The following ESRRG variants were observed in gnomAD, a reference collection of about 807,000 sequenced individuals.
ESRRG encodes estrogen related receptor gamma, also known as estrogen-related receptor gamma.
In ESRRG, 13 loss-of-function variants were observed where a neutral mutation model predicts 44.0. The observed-to-expected ratio is 0.30, with a 90% CI of 0.19 to 0.47. The LOEUF (loss-of-function observed/expected upper bound fraction) is 0.47, where lower values mean the gene tolerates loss of function less well. ESRRG is among the 20% of genes least tolerant of loss of function. The probability of loss-of-function intolerance (pLI) is 1.00; values close to 1 mark genes in which losing one functional copy is unlikely to be tolerated. For synonymous variants in ESRRG, 215 were observed against 214.6 expected (o/e 1.00, Z -0.02); for missense variants, 395 against 580.6 (o/e 0.68, Z 3.29).
chr1:217,020,129 C>T (rs2080062134), intron 1 of ESRRG, among the ~76,000 whole-genome samples: 1 of 152,124 alleles, frequency 6.6e-6, no homozygotes. Context: ...CTGGTATTCC[C>T]TCACATGGTT....
chr1:216,973,152 G>T (rs2072058466), intron 1 of ESRRG, among the ~76,000 whole-genome samples: 2 of 152,206 alleles, frequency 1.3e-5, no homozygotes, highest in Admixed American at 1.3e-4. Flanking sequence ...CTGCTGGGAT[G>T]ATCCTTCAAA....
intron 5 of ESRRG, among the ~76,000 whole-genome samples, chr1:216,552,563 C>T (rs2056639198): frequency 6.6e-6 from 1 of 152,154 alleles, no homozygotes; most frequent in Non-Finnish European, 1.5e-5. Flanking sequence ...CTCAGCAATC[C>T]ATACAGTAGG....
At chr1:216,650,554 A>G (rs928300303) in intron 3 of ESRRG, among the ~76,000 whole-genome samples, 2 of 152,170 alleles carry the variant, frequency 1.3e-5, no homozygotes, top group African/African-American at 4.8e-5. Context: ...AATAAAGTCT[A>G]AAAGATAAGG....
At chr1:217,103,595 C>G (rs2092551094) in intron 1 of ESRRG, among the ~76,000 whole-genome samples, 1 of 151,840 alleles carries the variant, frequency 6.6e-6, no homozygotes, top group Non-Finnish European at 1.5e-5. Context: ...GCGTTTGAGG[C>G]TGCAGTGAGC....
intron 1 of ESRRG, among the ~76,000 whole-genome samples, chr1:216,948,243 G>A (rs992337356): frequency 5.9e-5 from 9 of 151,942 alleles, no homozygotes; most frequent in Non-Finnish European, 1.3e-4. Flanking sequence ...ATGAGGAATG[G>A]TCAAGATTAG....
At chr1:216,879,503 A>AG (rs1553674764) in intron 2 of ESRRG, among the ~76,000 whole-genome samples, 8 of 151,088 alleles carry the variant, frequency 5.3e-5, no homozygotes, top group African/African-American at 1.2e-4. Flanking sequence ...AAAAAAAAAA[A>AG]AAGAAGAAGA....
intron 2 of ESRRG, among the ~76,000 whole-genome samples, chr1:216,651,838 T>C (rs1398378408): frequency 3.3e-5 from 5 of 152,200 alleles, no homozygotes; most frequent in African/African-American, 1.2e-4. Context: ...AGACTTTGTA[T>C]CATTTATGGT....
At chr1:216,574,097 G>A (rs559796193) in intron 3 of ESRRG, among the ~76,000 whole-genome samples, 1 of 152,152 alleles carries the variant, frequency 6.6e-6, no homozygotes, top group South Asian at 2.1e-4. Context: ...GGAAATAAAA[G>A]ACCCACAGTG....
chr1:217,094,059 C>T (rs2092390021), upstream of ESRRG, among the ~76,000 whole-genome samples: 1 of 151,488 alleles, frequency 6.6e-6, no homozygotes, highest in African/African-American at 2.4e-5. Flanking sequence ...TTTTTTTAAA[C>T]TTTTTTGTAG....
intron 1 of ESRRG, among the ~76,000 whole-genome samples, chr1:216,717,133 A>G (rs2085071646): frequency 6.6e-6 from 1 of 151,880 alleles, no homozygotes; most frequent in Non-Finnish European, 1.5e-5. Flanking sequence ...ATACACACAT[A>G]TATACAACAC....
At chr1:216,697,785 G>A (rs1044901287) in intron 1 of ESRRG, among the ~76,000 whole-genome samples, 4 of 152,284 alleles carry the variant, frequency 2.6e-5, no homozygotes, top group African/African-American at 9.6e-5. Flanking sequence ...TTCTAAAACT[G>A]CTTAGCTACA....
At chr1:216,895,155 G>C (rs1256917058) in intron 2 of ESRRG, among the ~76,000 whole-genome samples, 1 of 152,042 alleles carries the variant, frequency 6.6e-6, no homozygotes, top group African/African-American at 2.4e-5. Flanking sequence ...GCATTTCCTT[G>C]AAGTGTAAAA....
At chr1:216,514,925 T>G (rs1173656684) in intron 6 of ESRRG, among the ~76,000 whole-genome samples, 1 of 151,510 alleles carries the variant, frequency 6.6e-6, no homozygotes, top group Non-Finnish European at 1.5e-5. Flanking sequence ...TAGTCAAAAT[T>G]TTGTAAAACT....
intron 3 of ESRRG, among the ~76,000 whole-genome samples, chr1:216,595,307 C>T (rs2058278772): frequency 6.6e-6 from 1 of 152,108 alleles, no homozygotes; most frequent in African/African-American, 2.4e-5. Context: ...ATGTTAAGAA[C>T]TCAGGTTAGC....
intron 1 of ESRRG, among the ~76,000 whole-genome samples, chr1:217,108,034 T>C (rs2092619348): frequency 6.6e-6 from 1 of 152,008 alleles, no homozygotes; most frequent in African/African-American, 2.4e-5. Flanking sequence ...TGCCTCCCCA[T>C]AACCTACCAA....
At chr1:216,589,940 T>C (rs1245721802) in intron 3 of ESRRG, among the ~76,000 whole-genome samples, 1 of 120,828 alleles carries the variant, frequency 8.3e-6, no homozygotes, top group Non-Finnish European at 1.7e-5. Context: ...GTGAGGTTCA[T>C]AGAAATTTAG....
chr1:216,689,893 T>C (rs944858457), intron 1 of ESRRG, among the ~76,000 whole-genome samples: 40 of 152,226 alleles, frequency 2.6e-4, no homozygotes, highest in African/African-American at 9.4e-4. Flanking sequence ...AGAGTTCCTA[T>C]TTCAGCTCCA....
At chr1:216,574,488 A>T (rs1309225711) in intron 3 of ESRRG, among the ~76,000 whole-genome samples, 1 of 152,156 alleles carries the variant, frequency 6.6e-6, no homozygotes, top group Admixed American at 6.6e-5. Context: ...CAAAGTCAAA[A>T]GTATTTTTCA....
At chr1:216,536,576 C>T (rs1005154577) in intron 5 of ESRRG, among the ~76,000 whole-genome samples, 5 of 152,050 alleles carry the variant, frequency 3.3e-5, no homozygotes, top group African/African-American at 1.2e-4. Context: ...CTGTATTAAT[C>T]AGGGGTCACC....
Sources: gnomAD v4.1 joint callset for allele counts (sites outside exome capture counted in the v4.1 genomes callset) on GRCh38, gnomAD v4.1.1 for gene constraint, MANE v1.5 for transcripts, NCBI Gene and HGNC (gene_info 2026-07-23, HGNC 2026-07-21) for gene names.